Variants in RAP1GAP2 observed in about 807,000 individuals in gnomAD.
The protein encoded by RAP1GAP2 is RAP1 GTPase activating protein 2.
A neutral mutation model predicts 95.0 loss-of-function variants in RAP1GAP2; 27 were observed. That is an observed-to-expected ratio of 0.28 (90% CI 0.21 to 0.39). The LOEUF is 0.39. Among genes scored for constraint, RAP1GAP2 ranks in the 10% least tolerant of loss-of-function variants. RAP1GAP2 has a pLI of 1.00. For synonymous variants in RAP1GAP2, 373 were observed against 380.9 expected (o/e 0.98, Z 0.24); for missense variants, 771 against 970.0 (o/e 0.79, Z 2.72).
chr17:2,980,338 G>C lies in RAP1GAP2; in HGVS notation c.648G>C (p.Lys216Asn), dbSNP rs756960027. The change falls in exon 9 of 25, where the codon AAG (lysine) becomes AAC (asparagine). Residue 216 changes from lysine to asparagine, a missense_variant. Physicochemically the swap from Lys to Asn is moderately conservative, Grantham distance 94. Coordinates refer to ENST00000254695, the MANE Select transcript of RAP1GAP2 (RefSeq NM_015085.5). ...HERIPLAGLS[K>N]LPSVPQIAKA... ...GGATCCCCTTGGCTGGACTGAGCAA[G>C]CTTCCCAGTGTCCCTCAGATTGCAA... 17 of 1,613,832 alleles carry C rather than the reference G, an allele frequency of 1.1e-5. No individual in the cohort carries two copies. The Admixed American group carries it at 1.3e-4, about 13-fold the overall frequency.
chr17:3,010,069 C>T (rs2046467259), intron 17 of RAP1GAP2, among the ~76,000 whole-genome samples: 1 of 152,112 alleles, frequency 6.6e-6, no homozygotes, highest in Non-Finnish European at 1.5e-5. Flanking sequence ...AGGCCAGGTG[C>T]CGTGCCTCAC....
chr17:2,884,595 A>G (rs1007821626), intron 2 of RAP1GAP2, among the ~76,000 whole-genome samples: 10 of 151,930 alleles, frequency 6.6e-5, no homozygotes, highest in Admixed American at 5.9e-4. Context: ...GCTGGTCTCA[A>G]ACTCCTGACC....
At chr17:2,792,107 G>A (rs924196695), upstream of RAP1GAP2, among the ~76,000 whole-genome samples, 4 of 152,050 alleles carry the variant, frequency 2.6e-5, no homozygotes, top group Admixed American at 6.6e-5. Context: ...TGATCCGCTT[G>A]CCTCGGCTTC....
chr17:3,030,836 C>T (rs1480813750), intron 22 of RAP1GAP2, 86 bp from the exon 23 acceptor site: 5 of 1,315,486 alleles, frequency 3.8e-6, no homozygotes, highest in South Asian at 2.5e-5. Flanking sequence ...AGGCCCCCTT[C>T]CCCTGGCCTC....
At chr17:2,920,912 G>A (rs1319022804) in intron 3 of RAP1GAP2, among the ~76,000 whole-genome samples, 3 of 152,092 alleles carry the variant, frequency 2.0e-5, no homozygotes, top group East Asian at 1.9e-4. Flanking sequence ...TCATTTACCC[G>A]ACACTCAAGC....
chr17:2,773,467 G>A (rs959151214), upstream of RAP1GAP2, among the ~76,000 whole-genome samples: 2 of 152,162 alleles, frequency 1.3e-5, no homozygotes, highest in East Asian at 3.8e-4. Context: ...GCAGGGGGAT[G>A]GGACAGCTAA....
At chr17:3,032,889 C>T (rs2047371972) in intron 24 of RAP1GAP2, among the ~76,000 whole-genome samples, 1 of 152,252 alleles carries the variant, frequency 6.6e-6, no homozygotes, top group East Asian at 1.9e-4. Context: ...AGGGACCACC[C>T]CAGGAGGCCT....
chr17:2,914,326 T>G (rs1001157814), intron 3 of RAP1GAP2, among the ~76,000 whole-genome samples: 2 of 152,232 alleles, frequency 1.3e-5, no homozygotes, highest in African/African-American at 4.8e-5. Flanking sequence ...TTGAACGGTA[T>G]CTCATTGTGG....
intron 22 of RAP1GAP2, among the ~76,000 whole-genome samples, chr17:3,028,869 C>A (rs564941716): frequency 6.6e-6 from 1 of 152,252 alleles, no homozygotes; most frequent in South Asian, 2.1e-4. Context: ...GGCGCAATCT[C>A]GGCTCACTGC....
intron 2 of RAP1GAP2, among the ~76,000 whole-genome samples, chr17:2,873,017 C>G (rs539862403): frequency 6.6e-6 from 1 of 150,830 alleles, no homozygotes; most frequent in East Asian, 2.0e-4. Flanking sequence ...GCATGAGAAT[C>G]GCTTGAACCC....
chr17:2,983,093 C>T (rs1430219380), intron 10 of RAP1GAP2, among the ~76,000 whole-genome samples: 5 of 152,244 alleles, frequency 3.3e-5, no homozygotes, highest in Admixed American at 1.3e-4. Flanking sequence ...TTTCCCCAGA[C>T]AGCTGACAGC....
chr17:2,953,966 G>A (rs1254036532), intron 3 of RAP1GAP2, among the ~76,000 whole-genome samples: 1 of 152,114 alleles, frequency 6.6e-6, no homozygotes, highest in Non-Finnish European at 1.5e-5. Context: ...AACGAAATCC[G>A]TACCTTTTAG....
intron 17 of RAP1GAP2, among the ~76,000 whole-genome samples, chr17:3,012,888 G>T (rs1208106923): frequency 6.6e-6 from 1 of 152,152 alleles, no homozygotes; most frequent in Non-Finnish European, 1.5e-5. Context: ...GGTTGTTATT[G>T]GTCCGTAATG....
intron 3 of RAP1GAP2, among the ~76,000 whole-genome samples, chr17:2,913,359 G>A: frequency 6.6e-6 from 1 of 151,962 alleles, no homozygotes; most frequent in African/African-American, 2.4e-5. Context: ...CGTAATCTCA[G>A]CTCACTGCAA....
intron 2 of RAP1GAP2, among the ~76,000 whole-genome samples, chr17:2,824,795 C>G: frequency 6.8e-6 from 1 of 147,200 alleles, no homozygotes; most frequent in Non-Finnish European, 1.5e-5. Flanking sequence ...ATTCTGTTGA[C>G]TAAGTAGAAG....
chr17:2,957,927 C>A, intron 4 of RAP1GAP2, 133 bp downstream of exon 4: 1 of 995,932 alleles, frequency 1.0e-6, no homozygotes, highest in Non-Finnish European at 1.4e-6. Flanking sequence ...ATTGCATCCC[C>A]TTGGCCCAGA....
chr17:2,838,528 G>A (rs1418005992), intron 2 of RAP1GAP2, among the ~76,000 whole-genome samples: 1 of 152,166 alleles, frequency 6.6e-6, no homozygotes, highest in South Asian at 2.1e-4. Flanking sequence ...GTACTGGGTT[G>A]TTGACCCCTC....
intron 2 of RAP1GAP2, among the ~76,000 whole-genome samples, chr17:2,831,469 G>A (rs1484251649): frequency 6.6e-6 from 1 of 151,918 alleles, no homozygotes; most frequent in Non-Finnish European, 1.5e-5. Flanking sequence ...TCTGACCACT[G>A]AGAGCTGCTG....
At chr17:3,013,632 CTTTTT>C (rs998163717) in intron 17 of RAP1GAP2, among the ~76,000 whole-genome samples, 2 of 78,878 alleles carry the variant, frequency 2.5e-5, no homozygotes, top group African/African-American at 5.4e-5. Context: ...CTTTTCTTTT[CTTTTT>C]TTTTTTTTTT....
Sources: gnomAD v4.1 joint callset for allele counts (sites outside exome capture counted in the v4.1 genomes callset) on GRCh38, gnomAD v4.1.1 for gene constraint, MANE v1.5 for transcripts, NCBI Gene and HGNC (gene_info 2026-07-23, HGNC 2026-07-21) for gene names.